The following GABRG3 variants were observed in gnomAD, a reference collection of about 807,000 sequenced individuals.
The protein encoded by GABRG3 is gamma-aminobutyric acid type A receptor subunit gamma3, also known as gamma-aminobutyric acid receptor subunit gamma-3.
In GABRG3, 25 loss-of-function variants were observed where a neutral mutation model predicts 48.8. The observed-to-expected ratio is 0.51, with a 90% CI of 0.37 to 0.72. The LOEUF (loss-of-function observed/expected upper bound fraction) is 0.72. Ranked by LOEUF, GABRG3 falls within the 30% of genes least tolerant of loss-of-function variation. GABRG3 has a pLI of 0.00. For missense variants in GABRG3, 394 were observed against 577.9 expected (o/e 0.68, Z 3.26); for synonymous variants, 227 against 217.6 (o/e 1.04, Z -0.38).
At chr15:27,246,967 A>G (rs1397962728) in intron 3 of GABRG3, among the ~76,000 whole-genome samples, 4 of 152,170 alleles carry the variant, frequency 2.6e-5, no homozygotes, top group African/African-American at 7.2e-5. Flanking sequence ...ACATACTCCT[A>G]TCTTTTTATT....
intron 5 of GABRG3, among the ~76,000 whole-genome samples, chr15:27,342,350 A>C (rs1472319707): frequency 6.6e-6 from 1 of 152,080 alleles, no homozygotes; most frequent in Non-Finnish European, 1.5e-5. Context: ...AACCATGTGA[A>C]CTCAGCTCTT....
chr15:27,503,415 C>T (rs1890689510), intron 6 of GABRG3, among the ~76,000 whole-genome samples: 1 of 152,214 alleles, frequency 6.6e-6, no homozygotes, highest in African/African-American at 2.4e-5. Context: ...CTCCCACCTT[C>T]ACACCCTCTT....
At chr15:27,051,685 C>T (rs184864767) in intron 3 of GABRG3, among the ~76,000 whole-genome samples, 13 of 152,296 alleles carry the variant, frequency 8.5e-5, no homozygotes, top group Middle Eastern at 3.4e-3. Flanking sequence ...TTTCCACGGA[C>T]CAGGGCTGGG....
chr15:27,115,641 C>G (rs988191845), intron 3 of GABRG3, among the ~76,000 whole-genome samples: 3 of 152,208 alleles, frequency 2.0e-5, no homozygotes, highest in African/African-American at 7.2e-5. Flanking sequence ...TTCAGTCTGA[C>G]AGCTCAGGCT....
intron 5 of GABRG3, among the ~76,000 whole-genome samples, chr15:27,410,225 A>G (rs562520196): frequency 6.6e-6 from 1 of 152,318 alleles, no homozygotes; most frequent in Non-Finnish European, 1.5e-5. Flanking sequence ...TTGATATTTA[A>G]TCATTGAACT....
rs1267656916 is a variant in GABRG3, at chr15:27,307,591, TTATA to T, written c.271-19214_271-19211del. On this transcript the variant is annotated intron_variant, in intron 3 of 9. Transcript: ENST00000615808. Reference sequence around the variant, plus strand: ...TTTATATATAAACAGGTTTATAGGTTTATATATTTATATATAAACATAGGTTTAT... The same window carrying T: ...TTTATATATAAACAGGTTTATAGGTTTATTTATATATAAACATAGGTTTAT... 9.8e-3 allele frequency among the ~76,000 whole-genome samples: 364 copies of T among 37,312 alleles called. 3 individuals carry two copies. Among genetic ancestry groups the T allele is most frequent in the Non-Finnish European group, 0.03 (267 of 8,940 alleles). 24.5% of individuals were successfully genotyped at this position (37,312 alleles called of 152,430 possible). A position where few individuals can be genotyped will look rare whatever the true frequency, so the allele number is the denominator to read the frequency against.
At chr15:27,014,499 T>C (rs1895743361) in intron 2 of GABRG3, among the ~76,000 whole-genome samples, 1 of 152,140 alleles carries the variant, frequency 6.6e-6, no homozygotes. Context: ...GTTTTCTTTA[T>C]TTGTCTCCAT....
At chr15:27,398,432 A>T (rs1422059103) in intron 5 of GABRG3, among the ~76,000 whole-genome samples, 1 of 152,202 alleles carries the variant, frequency 6.6e-6, no homozygotes, top group Non-Finnish European at 1.5e-5. Flanking sequence ...GGAAATCACA[A>T]ATATATGTAT....
intron 3 of GABRG3, among the ~76,000 whole-genome samples, chr15:27,052,833 A>G (rs1896478079): frequency 6.6e-6 from 1 of 152,252 alleles, no homozygotes; most frequent in South Asian, 2.1e-4. Context: ...CAAGTGGAAT[A>G]GAGTAGATAA....
chr15:27,042,459 A>G (rs909630890), intron 3 of GABRG3, among the ~76,000 whole-genome samples: 6 of 152,176 alleles, frequency 3.9e-5, no homozygotes, highest in African/African-American at 1.4e-4. Flanking sequence ...GAACGGGCCA[A>G]GGGGCCTGGC....
intron 3 of GABRG3, among the ~76,000 whole-genome samples, chr15:27,027,495 G>A (rs1444520766): frequency 6.6e-6 from 1 of 152,232 alleles, no homozygotes; most frequent in African/African-American, 2.4e-5. Flanking sequence ...GGGGAGACGT[G>A]AGGCCGAGGG....
intron 2 of GABRG3, among the ~76,000 whole-genome samples, chr15:27,003,031 G>C (rs1172423574): frequency 6.6e-6 from 1 of 151,548 alleles, no homozygotes; most frequent in Non-Finnish European, 1.5e-5. Context: ...CCCCTATCCA[G>C]AAACTATCAC....
chr15:27,118,541 G>A (rs772844015), intron 3 of GABRG3, among the ~76,000 whole-genome samples: 2 of 152,218 alleles, frequency 1.3e-5, no homozygotes, highest in South Asian at 4.1e-4. Context: ...CATCTGACTC[G>A]GTTCAATTTG....
intron 5 of GABRG3, among the ~76,000 whole-genome samples, chr15:27,395,234 A>AAAT (rs1350492483): frequency 1.6e-4 from 25 of 152,324 alleles, no homozygotes; most frequent in Admixed American, 1.3e-3. Context: ...CTGTCAGATC[A>AAAT]AATCTGCTGT....
chr15:27,347,577 A>G (rs567124569), intron 5 of GABRG3, among the ~76,000 whole-genome samples: 1 of 152,298 alleles, frequency 6.6e-6, no homozygotes, highest in African/African-American at 2.4e-5. Flanking sequence ...TTTTATGGCA[A>G]ATGCTCTGGT....
chr15:26,971,574 G>C lies in GABRG3; in HGVS notation c.39G>C (p.Ser13=). 1.3e-6 allele frequency: 2 copies of C among 1,529,686 alleles called. No homozygotes were observed. The highest frequency in any genetic ancestry group is 8.8e-7 in the Non-Finnish European group (1 of 1,138,978). 94.8% of individuals were successfully genotyped at this position (1,529,686 alleles called of 1,614,324 possible). Residue 13 remains serine (S), a synonymous_variant, in exon 1 of 10, where the codon TCG becomes TCC. Transcript: ENST00000615808. ...PKLLLLLCLF[S]GLHARSRKVE... is the part of the protein sequence containing the mutation. ...TGCTGCTCCTCCTCTGCCTGTTCTC[G>C]GGCTTGCACGCGCGGTAAGTGGCGC...
chr15:27,531,833 TTC>T (rs1182973503), intron 9 of GABRG3, among the ~76,000 whole-genome samples: 1 of 152,214 alleles, frequency 6.6e-6, no homozygotes, highest in African/African-American at 2.4e-5. Context: ...TAGTATGTTG[TTC>T]TCTCTCCTTT....
intron 5 of GABRG3, among the ~76,000 whole-genome samples, chr15:27,407,028 A>G (rs1303980976): frequency 6.6e-6 from 1 of 152,052 alleles, no homozygotes; most frequent in African/African-American, 2.4e-5. Flanking sequence ...CCTAGGTTCA[A>G]GCAATTCTCC....
At chr15:27,420,682 C>T (rs1888086806) in intron 5 of GABRG3, 2 of 152,112 alleles carry the variant, frequency 1.3e-5, no homozygotes, top group South Asian at 4.1e-4. Flanking sequence ...GTAATTTTAC[C>T]TCCATAAATC....
Sources: allele counts gnomAD v4.1 joint callset (sites outside exome capture counted in the v4.1 genomes callset), GRCh38; gene constraint gnomAD v4.1.1; transcripts MANE v1.5; gene names NCBI Gene and HGNC (gene_info 2026-07-23, HGNC 2026-07-21).